The following NALCN variants were observed in gnomAD, a reference collection of about 807,000 sequenced individuals.
NALCN encodes the protein sodium leak channel, non-selective.
A neutral mutation model predicts 225.3 loss-of-function variants in NALCN; 111 were observed. The ratio of observed to expected loss-of-function variants is 0.49; its 90% CI spans 0.42 to 0.58. NALCN has a LOEUF of 0.58. Ranked by LOEUF, NALCN falls within the 20% of genes least tolerant of loss-of-function variation. The pLI is 0.00. For missense variants in NALCN, 1,378 were observed against 2,202.4 expected, an observed-to-expected ratio of 0.63 and a Z score of 7.49; for synonymous variants, 764 against 769.0, an observed-to-expected ratio of 0.99 and a Z score of 0.11.
Position 101,292,097 on chromosome 13 carries a change from G to A in NALCN, c.943-3C>T, listed in dbSNP as rs373831978. On this transcript the variant is annotated splice_region_variant and splice_polypyrimidine_tract_variant and intron_variant, in intron 8 of 43. Coordinates refer to ENST00000251127, the MANE Select transcript of NALCN (RefSeq NM_052867.4). This position sits in a 1 kb window ranked among gnomAD's most constrained non-coding sequence, Gnocchi z 4.3. ...ATGATAACAGCAATAAACACGTTCTGAAAAAAATCACAAACCACATTTACC... is the reference window on the plus strand; with the variant it reads ...ATGATAACAGCAATAAACACGTTCTAAAAAAAATCACAAACCACATTTACC... The A allele has an allele frequency of 6.2e-7, 1 of 1,613,750 alleles. No individual in the cohort carries two copies. The highest frequency in any genetic ancestry group is 1.3e-5 in the African/African-American group (1 of 74,982).
Position 101,397,074 on chromosome 13 carries a change from A to T in NALCN, c.109-1709T>A, listed in dbSNP as rs1368829403. Among the ~76,000 whole-genome samples the T allele has an allele frequency of 7.9e-4, 41 of 51,604 alleles. 3 individuals carry two copies. The highest frequency in any genetic ancestry group is 6.9e-3 in the African/African-American group (35 of 5,042). The allele number at this position is 51,604 out of a possible 152,430, so 33.9% of individuals were successfully genotyped here. A position where few individuals can be genotyped will look rare whatever the true frequency, so the allele number is the denominator to read the frequency against. On this transcript the variant is annotated intron_variant, in intron 2 of 43. Transcript: ENST00000251127. Reference sequence around the variant, plus strand: ...AAACACCTATGAATGTATTATATATATATATATATATATATATATATATAT... The same window carrying T: ...AAACACCTATGAATGTATTATATATTTATATATATATATATATATATATAT...
chr13:101,232,443 T>C (rs2041384056), intron 12 of NALCN, among the ~76,000 whole-genome samples: 1 of 139,690 alleles, frequency 7.2e-6, no homozygotes, highest in South Asian at 2.3e-4. Flanking sequence ...TGTAATTCTT[T>C]TCTTTTCTTT....
At chr13:101,245,715 CT>C (rs66972674) in intron 11 of NALCN, among the ~76,000 whole-genome samples, 41,794 of 151,934 alleles carry the variant, frequency 0.28, 6,878 homozygotes, top group Non-Finnish European at 0.38. Flanking sequence ...CCATTTCACA[CT>C]GACTTCTTAG....
chr13:101,381,413 G>A (rs2046845212), intron 3 of NALCN, among the ~76,000 whole-genome samples: 1 of 151,962 alleles, frequency 6.6e-6, no homozygotes, highest in African/African-American at 2.4e-5. Flanking sequence ...TCTCACAGAG[G>A]ATCTTTAACT....
intron 13 of NALCN, among the ~76,000 whole-genome samples, chr13:101,197,425 C>A (rs879312999): frequency 5.9e-5 from 9 of 152,072 alleles, no homozygotes; most frequent in African/African-American, 1.2e-4. Flanking sequence ...ATAATTTTCT[C>A]AGGTCATTTT....
chr13:101,144,702 A>C (rs2037258053), intron 16 of NALCN, 58 bp downstream of exon 16: 2 of 1,552,032 alleles, frequency 1.3e-6, no homozygotes, highest in East Asian at 4.5e-5. Flanking sequence ...ATCAGATTTA[A>C]GATGATGAAT....
chr13:101,289,805 A>G (rs1354656175), intron 9 of NALCN, among the ~76,000 whole-genome samples: 2 of 152,192 alleles, frequency 1.3e-5, no homozygotes, highest in Non-Finnish European at 2.9e-5. Context: ...CTGAATGAGA[A>G]GTCCCTGTTC....
chr13:101,322,343 T>C (rs2044772527), intron 7 of NALCN, among the ~76,000 whole-genome samples: 1 of 152,224 alleles, frequency 6.6e-6, no homozygotes, highest in African/African-American at 2.4e-5. Flanking sequence ...TATTTGACAA[T>C]GTACAATGCA....
At chr13:101,408,108 C>T (rs889259257) in intron 1 of NALCN, among the ~76,000 whole-genome samples, 1 of 152,158 alleles carries the variant, frequency 6.6e-6, no homozygotes, top group African/African-American at 2.4e-5. Context: ...CTGATTGCCA[C>T]CCCAGGAATA....
At chr13:101,208,790 G>A (rs572817294) in intron 13 of NALCN, among the ~76,000 whole-genome samples, 9 of 152,056 alleles carry the variant, frequency 5.9e-5, no homozygotes, top group Non-Finnish European at 1.2e-4. Context: ...TTCTGTTCTC[G>A]CCATGTGAAA....
chr13:101,057,241 C>T (rs535576912), intron 43 of NALCN: 3 of 152,548 alleles, frequency 2.0e-5, no homozygotes, highest in African/African-American at 7.2e-5. Flanking sequence ...GCATTGCTCT[C>T]CCTCCATTCC....
chr13:101,144,234 G>A (rs1165772035), intron 16 of NALCN, among the ~76,000 whole-genome samples: 2 of 152,176 alleles, frequency 1.3e-5, no homozygotes, highest in Non-Finnish European at 2.9e-5. Flanking sequence ...AAATCAGTAT[G>A]AGTGGAAAAA....
At chr13:101,264,786 C>T (rs979603110) in intron 10 of NALCN, among the ~76,000 whole-genome samples, 2 of 152,166 alleles carry the variant, frequency 1.3e-5, no homozygotes, top group Admixed American at 6.5e-5. Flanking sequence ...ACTACACTAA[C>T]ATAAAAATGG....
At chr13:101,208,479 T>C (rs898985540) in intron 13 of NALCN, among the ~76,000 whole-genome samples, 4 of 152,252 alleles carry the variant, frequency 2.6e-5, no homozygotes, top group African/African-American at 9.6e-5. Context: ...GAGAGGGCTT[T>C]AGTATTCCCA....
chr13:101,158,286 G>A (rs1482778647), intron 15 of NALCN, among the ~76,000 whole-genome samples: 2 of 152,180 alleles, frequency 1.3e-5, no homozygotes, highest in African/African-American at 2.4e-5. Context: ...AGCCAAAGAC[G>A]TCCTAAGAGA....
chr13:101,282,511 G>C (rs9513879), intron 10 of NALCN, among the ~76,000 whole-genome samples: 24,913 of 152,080 alleles, frequency 0.16, 2,222 homozygotes, highest in East Asian at 0.26. Flanking sequence ...GGGACAGGGG[G>C]TAGAAATGGG....
intron 34 of NALCN, among the ~76,000 whole-genome samples, chr13:101,079,307 A>G (rs1207261802): frequency 2.0e-5 from 3 of 152,216 alleles, no homozygotes; most frequent in Non-Finnish European, 2.9e-5. Context: ...ATGACAACCA[A>G]TAGTTTTTAG....
intron 30 of NALCN, among the ~76,000 whole-genome samples, chr13:101,085,170 A>T (rs1334903982): frequency 6.6e-6 from 1 of 152,176 alleles, no homozygotes; most frequent in Non-Finnish European, 1.5e-5. Context: ...TTCTTTATAC[A>T]TGCTGGATAC....
intron 10 of NALCN, among the ~76,000 whole-genome samples, chr13:101,267,257 T>C (rs1041966719): frequency 1.3e-5 from 2 of 152,196 alleles, no homozygotes; most frequent in African/African-American, 4.8e-5. Flanking sequence ...ATGTTATTTT[T>C]TTCAATCACC....
Sources: gnomAD v4.1 joint callset for allele counts (sites outside exome capture counted in the v4.1 genomes callset) on GRCh38, gnomAD v4.1.1 for gene constraint, Gnocchi (gnomAD v3.1) non-coding constraint, MANE v1.5 for transcripts, NCBI Gene and HGNC (gene_info 2026-07-23, HGNC 2026-07-21) for gene names.